WDR59: variants seen among roughly 807,000 people sequenced by gnomAD.
WDR59 encodes the protein GATOR2 complex protein WDR59.
Under a neutral mutation model 131.2 loss-of-function variants are expected in WDR59, and 100 were observed. That is an observed-to-expected ratio of 0.76 (90% CI 0.65 to 0.90). The LOEUF (loss-of-function observed/expected upper bound fraction) is 0.90. WDR59 is among the 40% of genes least tolerant of loss of function. WDR59 has a pLI of 0.00. For missense variants in WDR59, 1,203 were observed against 1,262.2 expected (o/e 0.95, Z 0.71); for synonymous variants, 601 against 466.2 (o/e 1.29, Z -3.72).
chr16:74,970,161 T>A lies in WDR59; in HGVS notation c.55-4339A>T, dbSNP rs945491276. ...GCTAGTCTAGAACTCCTTTCCCTATTGTTAATTTTTGTCAACTTTGTCAAA... is the reference window on the plus strand; with the variant it reads ...GCTAGTCTAGAACTCCTTTCCCTATAGTTAATTTTTGTCAACTTTGTCAAA... On this transcript the variant is annotated intron_variant, in intron 1 of 25. Transcript: ENST00000262144. Among the ~76,000 whole-genome samples the A allele has an allele frequency of 1.3e-5, 2 of 152,218 alleles. 1 individual carries two copies. The highest frequency in any genetic ancestry group is 4.1e-4 in the South Asian group (2 of 4,828).
chr16:74,972,821 T>TAA lies in WDR59; in HGVS notation c.55-7001_55-7000dup, dbSNP rs57885889. On this transcript the variant is annotated intron_variant, in intron 1 of 25. Coordinates refer to ENST00000262144, the MANE Select transcript of WDR59 (RefSeq NM_030581.4). The stretch of plus-strand genomic sequence containing the variant: ...TGGGTGACAGAGCAGGACTCTGTCT[T>TAA]AAAAAAAAAAAAAAAAAAAAAAAAA... 2.6e-3 allele frequency among the ~76,000 whole-genome samples: 141 copies of TAA among 55,048 alleles called. 3 individuals carry two copies. The highest frequency in any genetic ancestry group is 5.6e-3 in the African/African-American group (104 of 18,706). The allele number at this position is 55,048 out of a possible 152,430, so 36.1% of individuals were successfully genotyped here. A position where few individuals can be genotyped will look rare whatever the true frequency, so the allele number is the denominator to read the frequency against.
At chr16:74,935,974 G>C (rs983158441) in intron 8 of WDR59, among the ~76,000 whole-genome samples, 1 of 150,960 alleles carries the variant, frequency 6.6e-6, no homozygotes, top group Non-Finnish European at 1.5e-5. Flanking sequence ...TCCAACCCGG[G>C]TGACAGAGCA....
At chr16:74,886,003 CCT>C in intron 24 of WDR59, 1 of 671,882 alleles carries the variant, frequency 1.5e-6, no homozygotes, top group East Asian at 3.0e-5. Context: ...ATGGTGAAAC[CCT>C]GTCTGTACTA....
chr16:74,956,571 G>T lies in WDR59; in HGVS notation c.144C>A (p.Phe48Leu). Residue 48 changes from phenylalanine (F) to leucine (L), a missense_variant, in exon 3 of 26, where the codon TTC (phenylalanine) becomes TTA (leucine). By Grantham distance (22) the Phe-to-Leu change is conservative. Transcript: ENST00000262144. ...FLYIVNLDAP[F>L]EGHRKISRQS... is the part of the protein sequence containing the mutation. ...GGCGAGAGATCTTTCGGTGACCTTCGAAAGGGGCATCTAGATTGACGATGT... is the reference window on the plus strand; with the variant it reads ...GGCGAGAGATCTTTCGGTGACCTTCTAAAGGGGCATCTAGATTGACGATGT... The T allele has an allele frequency of 6.2e-7, 1 of 1,614,040 alleles. No homozygotes were observed.
At position 74,872,294 on chromosome 16, in the gene WDR59, A is replaced by C. The variant is rs1287237009; in HGVS notation, c.*1915T>G. ...TGAGACATGTCCTAGTCCCTAAGCT[A>C]ATCTACTTGGAACTGTAAAATTCTA... is the stretch of plus-strand genomic sequence containing the variant. On this transcript the variant is annotated 3_prime_UTR_variant, in exon 26 of 26. Coordinates refer to ENST00000262144, the MANE Select transcript of WDR59 (RefSeq NM_030581.4). The C allele has an allele frequency of 6.6e-6, 1 of 152,218 alleles. No individual in the cohort carries two copies. The highest frequency in any genetic ancestry group is 1.9e-4 in the East Asian group (1 of 5,194). The allele number at this position is 152,218 out of a possible 1,614,324, so 9.4% of individuals were successfully genotyped here.
At chr16:74,905,606 T>G (rs1234890345) in intron 17 of WDR59, among the ~76,000 whole-genome samples, 3 of 149,086 alleles carry the variant, frequency 2.0e-5, no homozygotes, top group African/African-American at 7.4e-5. Flanking sequence ...GGCATCAACC[T>G]GAGAGGTGGA....
intron 2 of WDR59, among the ~76,000 whole-genome samples, chr16:74,956,911 C>A (rs1216708391): frequency 6.6e-6 from 1 of 152,086 alleles, no homozygotes; most frequent in Non-Finnish European, 1.5e-5. Context: ...CTTTCCCAAT[C>A]CCCCAGCTAG....
At chr16:74,977,246 A>C (rs1567446852) in intron 1 of WDR59, among the ~76,000 whole-genome samples, 2 of 152,094 alleles carry the variant, frequency 1.3e-5, no homozygotes. Flanking sequence ...TCTCAAAAAA[A>C]AAATTTTAAT....
intron 2 of WDR59, among the ~76,000 whole-genome samples, chr16:74,957,170 T>C (rs1597794627): frequency 6.6e-6 from 1 of 151,406 alleles, no homozygotes; most frequent in East Asian, 1.9e-4. Context: ...AACCTCCGCT[T>C]CCCAAGTTCA....
intron 3 of WDR59, among the ~76,000 whole-genome samples, chr16:74,953,875 G>A (rs373763452): frequency 2.0e-5 from 3 of 152,064 alleles, no homozygotes; most frequent in Non-Finnish European, 2.9e-5. Context: ...GGTGGTGGAC[G>A]CCTGTAGTCC....
chr16:74,916,992 T>A (rs1966420879), intron 11 of WDR59, among the ~76,000 whole-genome samples: 1 of 152,166 alleles, frequency 6.6e-6, no homozygotes, highest in Non-Finnish European at 1.5e-5. Flanking sequence ...TACTAAGCAG[T>A]GTTGAAATTT....
At chr16:74,982,725 G>A (rs1373752196) in intron 1 of WDR59, among the ~76,000 whole-genome samples, 4 of 152,158 alleles carry the variant, frequency 2.6e-5, no homozygotes, top group Non-Finnish European at 5.9e-5. Context: ...CAGGTCTCAC[G>A]GAGACTCTGT....
rs757871688 is a variant in WDR59 at position 74,938,166 on chromosome 16, T to A, written c.635A>T (p.Gln212Leu). ...GCCACTGACCTTCACAGAATTGTCT[T>A]GACTGGAGGTAGCAAGAATGTGCTC... ...DSEHILATSSQDNSVKFWDYR... is the reference protein window; with the variant it reads ...DSEHILATSSLDNSVKFWDYR... Residue 212 changes from glutamine (Q) to leucine (L), a missense_variant, in exon 8 of 26, where the codon CAA becomes CTA. Physicochemically the swap from Gln to Leu is moderately radical, Grantham distance 113. Coordinates refer to ENST00000262144, the MANE Select transcript of WDR59 (RefSeq NM_030581.4). 4 of 1,568,230 alleles carry A rather than the reference T, an allele frequency of 2.6e-6. No individual in the cohort carries two copies. Among genetic ancestry groups the A allele is most frequent in the Non-Finnish European group, 3.5e-6 (4 of 1,158,232 alleles).
At chr16:74,904,239 T>G (rs941873761) in intron 17 of WDR59, 139 bp from the exon 18 acceptor site, 43 of 1,010,858 alleles carry the variant, frequency 4.3e-5, no homozygotes, top group Non-Finnish European at 5.6e-5. Context: ...TCAATAAAAC[T>G]TTTAACACTG....
intron 25 of WDR59, among the ~76,000 whole-genome samples, chr16:74,883,933 A>C (rs1964636843): frequency 6.6e-6 from 1 of 152,214 alleles, no homozygotes; most frequent in South Asian, 2.1e-4. Context: ...CCGATATCTC[A>C]CACACATCAC....
At chr16:74,940,140 A>G (rs1166448490) in intron 7 of WDR59, among the ~76,000 whole-genome samples, 1 of 152,164 alleles carries the variant, frequency 6.6e-6, no homozygotes, top group Non-Finnish European at 1.5e-5. Context: ...GCACCTTGGG[A>G]GGCAAAGGCG....
chr16:74,926,702 A>G (rs533083080), intron 8 of WDR59, among the ~76,000 whole-genome samples: 33 of 152,328 alleles, frequency 2.2e-4, no homozygotes, highest in African/African-American at 7.7e-4. Context: ...CTGGTTTTAC[A>G]TTGTTTTAGA....
chr16:74,886,516 T>G, intron 23 of WDR59, 120 bp from the exon 24 acceptor site: 3 of 1,316,086 alleles, frequency 2.3e-6, no homozygotes, highest in Non-Finnish European at 3.0e-6. Context: ...TAAGCGAGGC[T>G]GAATATTCTG....
At chr16:74,983,022 A>C (rs2034487698) in intron 1 of WDR59, among the ~76,000 whole-genome samples, 1 of 152,228 alleles carries the variant, frequency 6.6e-6, no homozygotes, top group Non-Finnish European at 1.5e-5. Context: ...GGCACACAGA[A>C]GGTATTTGAT....
Sources: gnomAD v4.1 joint callset for allele counts (sites outside exome capture counted in the v4.1 genomes callset) on GRCh38, gnomAD v4.1.1 for gene constraint, MANE v1.5 for transcripts, NCBI Gene and HGNC (gene_info 2026-07-23, HGNC 2026-07-21) for gene names.